The following TIMM23 variants were observed in gnomAD, a reference collection of about 807,000 sequenced individuals.
The protein encoded by TIMM23 is mitochondrial import inner membrane translocase subunit Tim23.
TIMM23 carries 19 observed loss-of-function variants against 30.7 expected under a neutral mutation model. The observed-to-expected ratio is 0.62, with a 90% CI of 0.43 to 0.91. The LOEUF (loss-of-function observed/expected upper bound fraction) is 0.91, where lower values mean the gene tolerates loss of function less well. Among genes scored for constraint, TIMM23 ranks in the 40% least tolerant of loss-of-function variants. TIMM23 has a pLI of 0.00. For missense variants in TIMM23, 202 were observed against 269.2 expected (o/e 0.75, Z 1.75); for synonymous variants, 78 against 98.5 (o/e 0.79, Z 1.23).
chr10:45,988,845 C>T lies in TIMM23; in HGVS notation c.512C>T (p.Thr171Ile), dbSNP rs1203863993. 2 of 1,611,018 alleles carry T rather than the reference C, an allele frequency of 1.2e-6. No individual in the cohort carries two copies. The highest frequency in any genetic ancestry group is 1.7e-6 in the Non-Finnish European group (2 of 1,177,370). The change falls in exon 6 of 7, where the codon ACA (threonine) becomes ATA (isoleucine). Residue 171 changes from threonine to isoleucine, a missense_variant and splice_region_variant. Coordinates refer to ENST00000580018, the MANE Select transcript of TIMM23 (RefSeq NM_006327.4). Reference sequence around the variant, plus strand: ...ATGACAGGCATGTTGTATAAATGTACAGGTGAGTACTGTTGAATGGGGAGC... The same window carrying T: ...ATGACAGGCATGTTGTATAAATGTATAGGTGAGTACTGTTGAATGGGGAGC... The part of the protein sequence containing the change: ...GTMTGMLYKC[T>I]GGLRGIARGG...
intron 2 of TIMM23, among the ~76,000 whole-genome samples, chr10:45,979,599 G>C (rs1837783115): frequency 7.9e-6 from 1 of 127,354 alleles, no homozygotes; most frequent in South Asian, 2.6e-4. Flanking sequence ...GAGCCACCAT[G>C]CCTGGCCTTT....
rs1227006842 is a variant in TIMM23, at chr10:45,982,113, G to A, written c.166-410G>A. On this transcript the variant is annotated intron_variant, in intron 2 of 6. Transcript: ENST00000580018. The stretch of plus-strand genomic sequence containing the variant: ...ACTTTATTAGTTTTTGCTCATGTTT[G>A]TGAACATTTGGCTTTATACATAGAA... Among the ~76,000 whole-genome samples the A allele has an allele frequency of 4.5e-4, 68 of 152,272 alleles. No homozygotes were observed. The East Asian group carries it at 0.012, about 27-fold the overall frequency.
chr10:45,977,632 T>G (rs1837713602), intron 2 of TIMM23, among the ~76,000 whole-genome samples: 1 of 152,246 alleles, frequency 6.6e-6, no homozygotes, highest in East Asian at 1.9e-4. Flanking sequence ...GACTTTGGAT[T>G]AGACTGTGAT....
chr10:45,983,735 G>A (rs1439092783), intron 4 of TIMM23, among the ~76,000 whole-genome samples: 1 of 152,170 alleles, frequency 6.6e-6, no homozygotes, highest in Non-Finnish European at 1.5e-5. Context: ...GAAACTGGAA[G>A]GCCTGTTAAA....
At chr10:45,997,691 C>T (rs1838388657) in intron 6 of TIMM23, among the ~76,000 whole-genome samples, 1 of 152,004 alleles carries the variant, frequency 6.6e-6, no homozygotes, top group African/African-American at 2.4e-5. Flanking sequence ...TGTAGTCCTA[C>T]CTACTTAGGA....
At chr10:45,982,738 T>G in intron 3 of TIMM23, 108 bp from the exon 4 acceptor site, 1 of 1,567,032 alleles carries the variant, frequency 6.4e-7, no homozygotes, top group South Asian at 1.2e-5. Flanking sequence ...TTTGTCTTTT[T>G]CTATTAAATA....
intron 5 of TIMM23, 63 bp downstream of exon 5, chr10:45,985,504 A>G: frequency 1.3e-6 from 2 of 1,589,810 alleles, no homozygotes; most frequent in Non-Finnish European, 1.7e-6. Flanking sequence ...ATCATGAACA[A>G]TTTGATCAAC....
intron 6 of TIMM23, among the ~76,000 whole-genome samples, chr10:46,000,405 A>G (rs913960022): frequency 3.9e-5 from 6 of 152,250 alleles, no homozygotes; most frequent in African/African-American, 1.4e-4. Context: ...TTCCCGCAAC[A>G]GATGGGGTCT....
rs1173053376 is a variant in TIMM23 at position 45,985,288 on chromosome 10, G to A, written c.345-95G>A. 3.5e-6 allele frequency: 5 copies of A among 1,448,554 alleles called. No individual in the cohort carries two copies. The African/African-American group carries it at 7.1e-5, about 21-fold the overall frequency. The allele number at this position is 1,448,554 out of a possible 1,614,324, so 89.7% of individuals were successfully genotyped here. A position where few individuals can be genotyped will look rare whatever the true frequency, so the allele number is the denominator to read the frequency against. ...TAGAATTTAAAAAACTTTGCGCCCT[G>A]GGTCTAGACATGTTAAATAGCCATT... On this transcript the variant is annotated intron_variant, in intron 4 of 6. Transcript: ENST00000580018.
At chr10:45,982,298 CAA>C (rs1389127491) in intron 2 of TIMM23, among the ~76,000 whole-genome samples, 1 of 152,188 alleles carries the variant, frequency 6.6e-6, no homozygotes, top group Non-Finnish European at 1.5e-5. Context: ...TTGAAGGAAA[CAA>C]AGTCTTTAAT....
Position 45,982,911 on chromosome 10 carries a change from T to G in TIMM23, c.325T>G (p.Ser109Ala), listed in dbSNP as rs1371255116. Residue 109 changes from serine (S) to alanine (A), a missense_variant, in exon 4 of 7, where the codon TCC (serine) becomes GCC (alanine). By Grantham distance (99) the Ser-to-Ala change is moderately conservative (BLOSUM62 1). Transcript: ENST00000580018. ...GAAGGAAACCCAGAACATGGCCTGG[T>G]CCAAACCAAGAAATGTACAGTAAGT... ...GLKETQNMAW[S>A]KPRNVQILNM... 1.2e-5 allele frequency: 20 copies of G among 1,613,806 alleles called. No homozygotes were observed. Among genetic ancestry groups the G allele is most frequent in the Non-Finnish European group, 1.7e-5 (20 of 1,179,846 alleles).
chr10:46,002,908 C>T (rs1226470684), intron 6 of TIMM23, among the ~76,000 whole-genome samples: 1 of 148,382 alleles, frequency 6.7e-6, no homozygotes, highest in Middle Eastern at 3.3e-3. Flanking sequence ...ACTGCAACCT[C>T]AGCCTCCTGG....
At chr10:45,992,592 T>C (rs1397073943) in intron 6 of TIMM23, 5 of 432,902 alleles carry the variant, frequency 1.2e-5, no homozygotes, top group Non-Finnish European at 2.3e-5. Context: ...GGAGTTTTGC[T>C]CTGTCGCCAG....
intron 2 of TIMM23, among the ~76,000 whole-genome samples, chr10:45,978,163 C>T (rs1837734578): frequency 1.3e-5 from 2 of 151,914 alleles, no homozygotes. Context: ...ACCTGCCTGG[C>T]CAACATAAGA....
At chr10:45,972,764 A>C (rs1837531669) in intron 1 of TIMM23, 34 bp downstream of exon 1, 7 of 1,610,714 alleles carry the variant, frequency 4.3e-6, no homozygotes, top group Admixed American at 1.7e-5. Context: ...ATTATTTCTG[A>C]CTGGTTTTTG....
At chr10:45,975,414 A>G (rs1837639863) in intron 1 of TIMM23, 40 bp from the exon 2 acceptor site, 1 of 1,612,138 alleles carries the variant, frequency 6.2e-7, no homozygotes, top group Admixed American at 1.7e-5. Flanking sequence ...GATTAACTTA[A>G]AGAATTTTGT....
At chr10:45,996,232 G>A (rs1554916684) in intron 6 of TIMM23, among the ~76,000 whole-genome samples, 3 of 143,452 alleles carry the variant, frequency 2.1e-5, no homozygotes, top group African/African-American at 8.4e-5. Context: ...CATGGTGGTG[G>A]GTGCCTGTAG....
chr10:45,981,757 C>G (rs1837853066), intron 2 of TIMM23, among the ~76,000 whole-genome samples: 1 of 152,154 alleles, frequency 6.6e-6, no homozygotes. Flanking sequence ...TTTTAACCAT[C>G]TTTGGTTGGA....
At chr10:45,992,821 G>T (rs1235686275) in intron 6 of TIMM23, among the ~76,000 whole-genome samples, 1 of 152,104 alleles carries the variant, frequency 6.6e-6, no homozygotes, top group Non-Finnish European at 1.5e-5. Context: ...CTCCCAAAGT[G>T]CTGGGATTAC....
Sources: gnomAD v4.1 joint callset for allele counts (sites outside exome capture counted in the v4.1 genomes callset) on GRCh38, gnomAD v4.1.1 for gene constraint, MANE v1.5 for transcripts, NCBI Gene and HGNC (gene_info 2026-07-23, HGNC 2026-07-21) for gene names.